PGGT1B: variants seen among roughly 807,000 people sequenced by gnomAD.
The protein encoded by PGGT1B is protein geranylgeranyltransferase type I subunit beta.
In PGGT1B, 30 loss-of-function variants were observed where a neutral mutation model predicts 46.1. That is an observed-to-expected ratio of 0.65 (90% CI 0.49 to 0.88). The LOEUF (loss-of-function observed/expected upper bound fraction) is 0.88. PGGT1B is among the 40% of genes least tolerant of loss of function. The pLI, the probability that PGGT1B is intolerant of heterozygous loss-of-function variation, is 0.00. For missense variants in PGGT1B, 376 were observed against 455.9 expected, an observed-to-expected ratio of 0.82 and a Z score of 1.60; for synonymous variants, 170 against 160.0, an observed-to-expected ratio of 1.06 and a Z score of -0.47.
intron 6 of PGGT1B, among the ~76,000 whole-genome samples, chr5:115,230,084 CT>C (rs1369889491): frequency 6.6e-6 from 1 of 152,030 alleles, no homozygotes; most frequent in Non-Finnish European, 1.5e-5. Flanking sequence ...TTACAAACCA[CT>C]TTCCCCCATA....
chr5:115,225,321 AG>A (rs1329498628), intron 6 of PGGT1B, among the ~76,000 whole-genome samples: 1 of 152,250 alleles, frequency 6.6e-6, no homozygotes, highest in Admixed American at 6.5e-5. Flanking sequence ...CACAGATGAA[AG>A]GGACCATAGA....
chr5:115,226,878 T>C (rs1236627607), intron 6 of PGGT1B, among the ~76,000 whole-genome samples: 1 of 151,944 alleles, frequency 6.6e-6, no homozygotes, highest in South Asian at 2.1e-4. Context: ...AAGGTGACAC[T>C]TGAACCCCTG....
In PGGT1B at chr5:115,241,596, T is replaced by A; in HGVS notation, c.270A>T (p.Leu90=). Residue 90 remains leucine, a synonymous_variant, in exon 3 of 9, where the codon CTA becomes CTT. Coordinates refer to ENST00000419445, the MANE Select transcript of PGGT1B (RefSeq NM_005023.4). The part of the protein sequence containing the change: ...QVLPTEDRSN[L]NRCGFRGSSY... The stretch of plus-strand genomic sequence containing the variant: ...AAGAGCCTCGGAAACCACAGCGATT[T>A]AGATTTGATCCTAGAAAATAAAAGC... The A allele has an allele frequency of 6.2e-7, 1 of 1,607,748 alleles. No homozygotes were observed. Among genetic ancestry groups the A allele is most frequent in the East Asian group, 2.2e-5 (1 of 44,528 alleles).
chr5:115,227,819 T>C (rs553195559), intron 6 of PGGT1B, among the ~76,000 whole-genome samples: 173 of 152,294 alleles, frequency 1.1e-3, no homozygotes, highest in African/African-American at 3.6e-3. Flanking sequence ...AGAGAGTTGA[T>C]ATGGGGATTC....
intron 8 of PGGT1B, among the ~76,000 whole-genome samples, chr5:115,215,194 C>T (rs959800379): frequency 3.3e-5 from 5 of 152,086 alleles, no homozygotes; most frequent in Admixed American, 6.5e-5. Context: ...GACGGGGTCT[C>T]GCCATATTGA....
chr5:115,217,955 A>G (rs763205621), intron 7 of PGGT1B, among the ~76,000 whole-genome samples: 13 of 151,970 alleles, frequency 8.6e-5, no homozygotes, highest in Admixed American at 2.6e-4. Context: ...ATAAGTGTTG[A>G]TTACTGGTTT....
At chr5:115,237,810 A>G in intron 4 of PGGT1B, 48 bp downstream of exon 4, 1 of 1,526,650 alleles carries the variant, frequency 6.6e-7, no homozygotes, top group Non-Finnish European at 9.0e-7. Flanking sequence ...TTTTAGTTCC[A>G]ATATATTTTT....
chr5:115,211,168 A>T lies in PGGT1B; in HGVS notation c.*1234T>A, dbSNP rs1580738195. ...GTGAAGAGATTTCTTTCCCCATTTC[A>T]GTACTAGACGCAATAGTTCTGAATG... On this transcript the variant is annotated 3_prime_UTR_variant, in exon 9 of 9. Transcript: ENST00000419445. The T allele has an allele frequency of 6.6e-6, 1 of 152,196 alleles. No homozygotes were observed. The highest frequency in any genetic ancestry group is 2.4e-5 in the African/African-American group (1 of 41,580). 9.4% of individuals were successfully genotyped at this position (152,196 alleles called of 1,614,324 possible).
At chr5:115,250,005 T>A (rs1748020215) in intron 2 of PGGT1B, among the ~76,000 whole-genome samples, 1 of 152,194 alleles carries the variant, frequency 6.6e-6, no homozygotes. Flanking sequence ...TAAAGGACAA[T>A]GTATCTTTTT....
intron 3 of PGGT1B, among the ~76,000 whole-genome samples, chr5:115,240,386 A>G (rs1003471444): frequency 1.3e-5 from 2 of 152,246 alleles, no homozygotes; most frequent in Non-Finnish European, 2.9e-5. Context: ...ATAGTACTAT[A>G]TAACGGTCAT....
intron 6 of PGGT1B, among the ~76,000 whole-genome samples, chr5:115,229,249 C>G (rs6884828): frequency 0.41 from 62,911 of 151,862 alleles, 13,593 homozygotes; most frequent in Non-Finnish European, 0.49. Context: ...ACAACCTTAC[C>G]AGGGACTCCA....
At chr5:115,225,649 A>AT (rs60269384) in intron 6 of PGGT1B, among the ~76,000 whole-genome samples, 7,865 of 144,364 alleles carry the variant, frequency 0.054, 391 homozygotes, top group African/African-American at 0.13. Flanking sequence ...GGTAAAGTAA[A>AT]TTTTTTTTTT....
In PGGT1B at chr5:115,236,427, T is replaced by G. The variant is rs772691885; in HGVS notation, c.575A>C (p.Asp192Ala). ...AATATAGGTGATGGCTTTTTTCATATCCATGCCTGACCAGTTGTTGAGCAT... is the reference window on the plus strand; with the variant it reads ...AATATAGGTGATGGCTTTTTTCATAGCCATGCCTGACCAGTTGTTGAGCAT... ...CYMLNNWSGM[D>A]MKKAITYIRR... Residue 192 changes from aspartate (D) to alanine (A), a missense_variant, in exon 5 of 9, where the codon GAT becomes GCT. By Grantham distance (126) the Asp-to-Ala change is moderately radical. Coordinates refer to ENST00000419445, the MANE Select transcript of PGGT1B (RefSeq NM_005023.4). The G allele has an allele frequency of 1.9e-6, 3 of 1,596,534 alleles. No homozygotes were observed. Among genetic ancestry groups the G allele is most frequent in the Non-Finnish European group, 2.6e-6 (3 of 1,173,554 alleles).
chr5:115,224,667 C>A (rs569469199), intron 6 of PGGT1B, among the ~76,000 whole-genome samples: 2 of 151,978 alleles, frequency 1.3e-5, no homozygotes, highest in African/African-American at 4.8e-5. Context: ...CTCAGGAGTT[C>A]GAGACCAGCC....
In PGGT1B at chr5:115,208,138, A is replaced by G. The variant is rs1240513389; in HGVS notation, c.*4264T>C. 6.6e-6 allele frequency: 1 copy of G among 151,834 alleles called. No homozygotes were observed. The highest frequency in any genetic ancestry group is 1.5e-5 in the Non-Finnish European group (1 of 67,948). The allele number at this position is 151,834 out of a possible 1,614,324, so 9.4% of individuals were successfully genotyped here. ...GCTAATGTTATCATTAAAACTTTTT[A>G]TTAATATTCATGAGATTGCTCTATA... is the stretch of plus-strand genomic sequence containing the variant. On this transcript the variant is annotated 3_prime_UTR_variant, in exon 9 of 9. Transcript: ENST00000419445.
At chr5:115,242,702 G>A (rs992248391) in intron 2 of PGGT1B, among the ~76,000 whole-genome samples, 3 of 152,128 alleles carry the variant, frequency 2.0e-5, no homozygotes, top group Non-Finnish European at 2.9e-5. Flanking sequence ...GGTAGCTCAC[G>A]CCTATAATCC....
rs961927806 is a variant in PGGT1B at position 115,206,229 on chromosome 5, A to G, written c.*6173T>C. 2 of 151,894 alleles carry G rather than the reference A, an allele frequency of 1.3e-5. No homozygotes were observed. The highest frequency in any genetic ancestry group is 1.5e-5 in the Non-Finnish European group (1 of 67,878). The allele number at this position is 151,894 out of a possible 1,614,324, so 9.4% of individuals were successfully genotyped here. A position where few individuals can be genotyped will look rare whatever the true frequency, so the allele number is the denominator to read the frequency against. On this transcript the variant is annotated 3_prime_UTR_variant, in exon 9 of 9. Coordinates refer to ENST00000419445, the MANE Select transcript of PGGT1B (RefSeq NM_005023.4). ...TCTATTTCTATATCTCTATATACAGAGATTAAAGGTCTGAAAGATGTATGC... is the reference window on the plus strand; with the variant it reads ...TCTATTTCTATATCTCTATATACAGGGATTAAAGGTCTGAAAGATGTATGC...
chr5:115,212,671 C>CA (rs1412169458), intron 8 of PGGT1B, 88 bp from the exon 9 acceptor site: 2 of 850,064 alleles, frequency 2.4e-6, no homozygotes, highest in African/African-American at 3.5e-5. Flanking sequence ...ACCAGCCCAT[C>CA]ACTCCATTAA....
chr5:115,262,018 C>T (rs1010788276), intron 1 of PGGT1B, among the ~76,000 whole-genome samples: 2 of 152,210 alleles, frequency 1.3e-5, no homozygotes, highest in African/African-American at 2.4e-5. Context: ...AAAAACAAGC[C>T]GCTCTTTCCT....
Sources: gnomAD v4.1 joint callset for allele counts (sites outside exome capture counted in the v4.1 genomes callset) on GRCh38, gnomAD v4.1.1 for gene constraint, MANE v1.5 for transcripts, NCBI Gene and HGNC (gene_info 2026-07-23, HGNC 2026-07-21) for gene names.